NCKAP5: variants seen among roughly 807,000 people sequenced by gnomAD.
NCKAP5 encodes the protein NCK associated protein 5.
Under a neutral mutation model 167.0 loss-of-function variants are expected in NCKAP5, and 92 were observed. The ratio of observed to expected loss-of-function variants is 0.55; its 90% CI spans 0.47 to 0.66. The LOEUF is 0.66. NCKAP5 is among the 30% of genes least tolerant of loss of function. The pLI, the probability that NCKAP5 is intolerant of heterozygous loss-of-function variation, is 0.00. For synonymous variants in NCKAP5, 891 were observed against 877.4 expected, an observed-to-expected ratio of 1.02 and a Z score of -0.27; for missense variants, 2,378 against 2,315.0, an observed-to-expected ratio of 1.03 and a Z score of -0.56.
At chr2:132,675,292 G>T (rs1282851383) in intron 19 of NCKAP5, among the ~76,000 whole-genome samples, 2 of 152,204 alleles carry the variant, frequency 1.3e-5, no homozygotes, top group Admixed American at 1.3e-4. Flanking sequence ...CACGGGCTGA[G>T]TGCTACAAGC....
At chr2:133,612,160 A>T in the NCKAP5 span, among the ~76,000 whole-genome samples, 1 of 152,204 alleles carries the variant, frequency 6.6e-6, no homozygotes, top group Non-Finnish European at 1.5e-5. Flanking sequence ...CTTGGAATGC[A>T]TAGGAAAGAT....
At chr2:132,840,806 T>C (rs2105421701) in intron 11 of NCKAP5, among the ~76,000 whole-genome samples, 1 of 152,340 alleles carries the variant, frequency 6.6e-6, no homozygotes, top group African/African-American at 2.4e-5. Context: ...TAGGTTTGTG[T>C]ATATTTATTT....
intron 2 of NCKAP5, among the ~76,000 whole-genome samples, chr2:133,552,258 T>G (rs373712092): frequency 2.2e-4 from 23 of 102,520 alleles, no homozygotes; most frequent in African/African-American, 6.7e-4. Flanking sequence ...TATACCCAAA[T>G]GACTATAAAT....
Position 132,781,955 on chromosome 2 carries a change from G to C in NCKAP5, c.4856C>G (p.Thr1619Arg). The change falls in exon 14 of 20, where the codon ACG becomes AGG. Residue 1619 changes from threonine to arginine, a missense_variant. This residue lies in a region of NCKAP5 where 1,325 missense variants were observed against 1,274.5 expected (regional missense o/e 1.04). Transcript: ENST00000409261. ...AGTGAGTTACCTGTTCAAGAGTTCC[G>C]TCATGAAGGTGTCTTTCGTTGAACA... The part of the protein sequence containing the change: ...VACSTKDTFM[T>R]ELLNRVDKKA... The C allele has an allele frequency of 1.2e-6, 2 of 1,612,492 alleles. No individual in the cohort carries two copies. Among genetic ancestry groups the C allele is most frequent in the Non-Finnish European group, 1.7e-6 (2 of 1,178,858 alleles).
chr2:133,067,467 G>T (rs2080237421), intron 6 of NCKAP5, among the ~76,000 whole-genome samples: 1 of 152,218 alleles, frequency 6.6e-6, no homozygotes, highest in Non-Finnish European at 1.5e-5. Flanking sequence ...TTTAGAGCTG[G>T]CCTATGCAGT....
chr2:132,813,582 C>T (rs938386335), intron 11 of NCKAP5, among the ~76,000 whole-genome samples: 1 of 152,168 alleles, frequency 6.6e-6, no homozygotes, highest in East Asian at 1.9e-4. Flanking sequence ...TCCGTAATTG[C>T]TAATCCTGAA....
chr2:132,951,152 A>G (rs2076175460), intron 8 of NCKAP5, among the ~76,000 whole-genome samples: 1 of 152,170 alleles, frequency 6.6e-6, no homozygotes, highest in Admixed American at 6.5e-5. Context: ...TACAAGCTGT[A>G]TCTTCTTTAG....
chr2:133,611,425 C>T, the NCKAP5 span, among the ~76,000 whole-genome samples: 2 of 152,182 alleles, frequency 1.3e-5, no homozygotes, highest in African/African-American at 4.8e-5. Context: ...CATTTGATTG[C>T]TTTCCTTTGT....
chr2:133,562,123 G>C (rs948786072), intron 1 of NCKAP5, among the ~76,000 whole-genome samples: 1 of 151,480 alleles, frequency 6.6e-6, no homozygotes, highest in Non-Finnish European at 1.5e-5. Flanking sequence ...ATATGATTTA[G>C]GAATATTACA....
At chr2:133,335,071 C>T (rs984824281) in intron 3 of NCKAP5, among the ~76,000 whole-genome samples, 2 of 152,122 alleles carry the variant, frequency 1.3e-5, no homozygotes, top group Admixed American at 6.6e-5. Context: ...TCTTAAGTTT[C>T]ACACGGCCCA....
At chr2:133,573,652 C>T in the NCKAP5 span, among the ~76,000 whole-genome samples, 2 of 152,150 alleles carry the variant, frequency 1.3e-5, no homozygotes, top group African/African-American at 2.4e-5. Flanking sequence ...AAAGTATCAT[C>T]ATGAAGTTGG....
chr2:133,116,504 A>G lies in NCKAP5; in HGVS notation c.341+13474T>C, dbSNP rs942118608. 5.9e-5 allele frequency among the ~76,000 whole-genome samples: 5 copies of G among 85,100 alleles called. 1 individual carries two copies. Among genetic ancestry groups the G allele is most frequent in the Admixed American group, 2.5e-4 (2 of 8,070 alleles). The allele number at this position is 85,100 out of a possible 152,430, so 55.8% of individuals were successfully genotyped here. On this transcript the variant is annotated intron_variant, in intron 6 of 19. Coordinates refer to ENST00000409261, the MANE Select transcript of NCKAP5 (RefSeq NM_207363.3). ...CTCCGTCTCAAAAAAAAAAAAAAAAAAAAAAAAAAAAAGAAAAATTTGTCA... is the reference window on the plus strand; with the variant it reads ...CTCCGTCTCAAAAAAAAAAAAAAAAGAAAAAAAAAAAAGAAAAATTTGTCA...
intron 5 of NCKAP5, among the ~76,000 whole-genome samples, chr2:133,195,063 T>C (rs1406249180): frequency 1.3e-5 from 2 of 151,944 alleles, no homozygotes; most frequent in African/African-American, 2.4e-5. Context: ...TCTCATACCA[T>C]ATACTGCAGG....
chr2:132,709,224 A>C (rs1475973962), intron 19 of NCKAP5, among the ~76,000 whole-genome samples: 1 of 152,154 alleles, frequency 6.6e-6, no homozygotes, highest in East Asian at 1.9e-4. Flanking sequence ...GAGCCCCAAA[A>C]ATAAATAAAA....
intron 6 of NCKAP5, among the ~76,000 whole-genome samples, chr2:133,027,140 C>G (rs1284334495): frequency 6.6e-6 from 1 of 152,158 alleles, no homozygotes; most frequent in Non-Finnish European, 1.5e-5. Flanking sequence ...GTACCTACTT[C>G]CCCCATGACC....
chr2:133,492,300 T>C (rs1457481928), intron 3 of NCKAP5, among the ~76,000 whole-genome samples: 1 of 152,114 alleles, frequency 6.6e-6, no homozygotes, highest in Non-Finnish European at 1.5e-5. Context: ...TCAGCCTCAA[T>C]TGTAAAATGG....
rs1013549746 is a variant in NCKAP5 at position 133,340,585 on chromosome 2, C to T, written c.70-37475G>A. ...CTGACAATGCATAAGAAAGAGGAGA[C>T]GAGTAAGATACACAATCTGTCTGTA... On this transcript the variant is annotated intron_variant, in intron 3 of 19. Transcript: ENST00000409261. Among the ~76,000 whole-genome samples, 8 of 152,132 alleles carry T rather than the reference C, an allele frequency of 5.3e-5. No individual in the cohort carries two copies. The South Asian group carries it at 6.2e-4, about 12-fold the overall frequency.
the NCKAP5 span, among the ~76,000 whole-genome samples, chr2:133,587,281 C>G: frequency 6.6e-6 from 1 of 151,958 alleles, no homozygotes; most frequent in Non-Finnish European, 1.5e-5. Context: ...AAAATGGAGA[C>G]CAGTGGCACC....
At chr2:132,814,936 T>C (rs1472168039) in intron 11 of NCKAP5, among the ~76,000 whole-genome samples, 1 of 152,152 alleles carries the variant, frequency 6.6e-6, no homozygotes, top group Non-Finnish European at 1.5e-5. Flanking sequence ...CCGTAAACAA[T>C]GTGAATCTGT....
Sources: gnomAD v4.1 joint callset for allele counts (sites outside exome capture counted in the v4.1 genomes callset) on GRCh38, gnomAD v4.1.1 for gene constraint, gnomAD v4.1.1 regional missense constraint, MANE v1.5 for transcripts, NCBI Gene and HGNC (gene_info 2026-07-23, HGNC 2026-07-21) for gene names.